GNB4: variants seen among roughly 807,000 people sequenced by gnomAD.
GNB4 encodes guanine nucleotide-binding protein subunit beta-4.
In GNB4, 28 loss-of-function variants were observed where a neutral mutation model predicts 45.2. The observed-to-expected ratio is 0.62, with a 90% CI of 0.46 to 0.85. The LOEUF (loss-of-function observed/expected upper bound fraction) is 0.85. Among genes scored for constraint, GNB4 ranks in the 40% least tolerant of loss-of-function variants. GNB4 has a pLI of 0.00. For missense variants in GNB4, 321 were observed against 425.4 expected, an observed-to-expected ratio of 0.75 and a Z score of 2.16; for synonymous variants, 132 against 143.7, an observed-to-expected ratio of 0.92 and a Z score of 0.58.
chr3:179,488,729 A>T, the GNB4 span, among the ~76,000 whole-genome samples: 3 of 151,828 alleles, frequency 2.0e-5, no homozygotes, highest in Admixed American at 2.0e-4. Flanking sequence ...TCAGGCCTGT[A>T]ATCTTAGCAC....
rs1343094710 is a variant in GNB4, at chr3:179,399,617, T to C, written c.*1596A>G. The C allele has an allele frequency of 6.6e-6, 1 of 152,230 alleles. No individual in the cohort carries two copies. Among genetic ancestry groups the C allele is most frequent in the Non-Finnish European group, 1.5e-5 (1 of 68,046 alleles). The allele number at this position is 152,230 out of a possible 1,614,324, so 9.4% of individuals were successfully genotyped here. Reference sequence around the variant, plus strand: ...GCCTTTATCCACTTTATTATTCTAATTGTCAACTGATTTTAATAAAACTGA... The same window carrying C: ...GCCTTTATCCACTTTATTATTCTAACTGTCAACTGATTTTAATAAAACTGA... On this transcript the variant is annotated 3_prime_UTR_variant, in exon 10 of 10. Transcript: ENST00000232564.
the GNB4 span, among the ~76,000 whole-genome samples, chr3:179,496,332 G>C: frequency 1.3e-5 from 2 of 151,808 alleles, no homozygotes; most frequent in Non-Finnish European, 1.5e-5. Flanking sequence ...AGACATAAAG[G>C]GAATGAAATC....
At chr3:179,483,698 T>G in the GNB4 span, among the ~76,000 whole-genome samples, 1 of 152,170 alleles carries the variant, frequency 6.6e-6, no homozygotes, top group East Asian at 1.9e-4. Flanking sequence ...CTGTTAAGAC[T>G]GGACAAAATT....
the GNB4 span, among the ~76,000 whole-genome samples, chr3:179,488,041 A>G: frequency 5.1e-5 from 7 of 136,610 alleles, no homozygotes; most frequent in Non-Finnish European, 9.4e-5. Flanking sequence ...ACAGAGTAGG[A>G]CTCTGTCTCA....
At chr3:179,411,547 G>T (rs2108587192) in intron 8 of GNB4, among the ~76,000 whole-genome samples, 1 of 148,648 alleles carries the variant, frequency 6.7e-6, no homozygotes, top group South Asian at 2.1e-4. Context: ...CATCTCAACA[G>T]ACGGACAAAA....
At chr3:179,463,877 A>G in the GNB4 span, among the ~76,000 whole-genome samples, 16 of 152,136 alleles carry the variant, frequency 1.1e-4, no homozygotes, top group Non-Finnish European at 2.4e-4. Context: ...TAACCCTGCT[A>G]CTCAGAGTAC....
intron 1 of GNB4, among the ~76,000 whole-genome samples, chr3:179,444,328 C>A (rs1319347047): frequency 6.6e-6 from 1 of 151,688 alleles, no homozygotes; most frequent in Non-Finnish European, 1.5e-5. Flanking sequence ...AAGGTTAACA[C>A]AAACCATGAA....
intron 9 of GNB4, among the ~76,000 whole-genome samples, chr3:179,403,226 C>T (rs151203069): frequency 5.0e-4 from 76 of 151,736 alleles, no homozygotes; most frequent in African/African-American, 1.8e-3. Context: ...TTTAGTGCCT[C>T]GCTCTTAAGT....
chr3:179,515,816 A>C, the GNB4 span, among the ~76,000 whole-genome samples: 1 of 152,228 alleles, frequency 6.6e-6, no homozygotes, highest in East Asian at 1.9e-4. Flanking sequence ...CTGCTTCGAG[A>C]GGGATTAGGG....
chr3:179,453,864 A>AG (rs199710399), upstream of GNB4, among the ~76,000 whole-genome samples: 1 of 151,826 alleles, frequency 6.6e-6, no homozygotes, highest in Non-Finnish European at 1.5e-5. Context: ...AAAAAAAAAA[A>AG]CTTACTTGTT....
chr3:179,519,903 C>T, the GNB4 span, among the ~76,000 whole-genome samples: 1 of 152,198 alleles, frequency 6.6e-6, no homozygotes, highest in Non-Finnish European at 1.5e-5. Flanking sequence ...TCGCCTGCTA[C>T]AGCATGGTCT....
At chr3:179,487,808 T>C in the GNB4 span, among the ~76,000 whole-genome samples, 1 of 152,128 alleles carries the variant, frequency 6.6e-6, no homozygotes, top group African/African-American at 2.4e-5. Flanking sequence ...CCCAGCACTT[T>C]GGGAGGCCAA....
intron 1 of GNB4, among the ~76,000 whole-genome samples, chr3:179,427,925 C>T (rs1441550628): frequency 6.6e-6 from 1 of 152,064 alleles, no homozygotes; most frequent in Non-Finnish European, 1.5e-5. Flanking sequence ...TTCTGCTCCC[C>T]TAAGTACAAA....
At chr3:179,496,788 T>C in the GNB4 span, among the ~76,000 whole-genome samples, 1 of 152,092 alleles carries the variant, frequency 6.6e-6, no homozygotes, top group Admixed American at 6.5e-5. Flanking sequence ...ATCAAAAGGA[T>C]ATAGCAATTA....
intron 9 of GNB4, among the ~76,000 whole-genome samples, chr3:179,404,809 G>A (rs1490316350): frequency 1.3e-5 from 2 of 152,098 alleles, no homozygotes; most frequent in Non-Finnish European, 2.9e-5. Flanking sequence ...TAAGGGAAGC[G>A]ACAGGTCTAT....
At chr3:179,435,470 C>CAAA (rs11389978) in intron 1 of GNB4, among the ~76,000 whole-genome samples, 3,521 of 95,908 alleles carry the variant, frequency 0.037, 157 homozygotes, top group East Asian at 0.12. Flanking sequence ...CTTTCTTTTA[C>CAAA]AAAAAAAAAA....
At chr3:179,409,952 C>T (rs930895205) in intron 8 of GNB4, among the ~76,000 whole-genome samples, 4 of 152,096 alleles carry the variant, frequency 2.6e-5, no homozygotes, top group Non-Finnish European at 2.9e-5. Flanking sequence ...GTGAGGGAGC[C>T]GGTGGAAGGT....
At chr3:179,407,327 C>T (rs1053229438) in intron 8 of GNB4, among the ~76,000 whole-genome samples, 1 of 152,072 alleles carries the variant, frequency 6.6e-6, no homozygotes, top group Non-Finnish European at 1.5e-5. Context: ...AGCGTGTTGG[C>T]GGGTGCCTGT....
chr3:179,506,097 C>A, the GNB4 span, among the ~76,000 whole-genome samples: 1 of 152,202 alleles, frequency 6.6e-6, no homozygotes, highest in African/African-American at 2.4e-5. Flanking sequence ...AATCTCAGCA[C>A]TTTGGGAGGC....
Sources: allele counts gnomAD v4.1 joint callset (sites outside exome capture counted in the v4.1 genomes callset), GRCh38; gene constraint gnomAD v4.1.1; transcripts MANE v1.5; gene names NCBI Gene and HGNC (gene_info 2026-07-23, HGNC 2026-07-21).